The following FXYD6 variants were observed in gnomAD, a reference collection of about 807,000 sequenced individuals.
FXYD6 encodes the protein FXYD domain containing ion transport regulator 6.
A neutral mutation model predicts 16.7 loss-of-function variants in FXYD6; 7 were observed. The ratio of observed to expected loss-of-function variants is 0.42; its 90% CI spans 0.24 to 0.79. FXYD6 has a LOEUF of 0.79. Ranked by LOEUF, FXYD6 falls within the 30% of genes least tolerant of loss-of-function variation. The pLI, the probability that FXYD6 is intolerant of heterozygous loss-of-function variation, is 0.28. For missense variants in FXYD6, 111 were observed against 116.2 expected (o/e 0.95, Z 0.21); for synonymous variants, 49 against 43.0 (o/e 1.14, Z -0.54).
chr11:117,862,653 G>A (rs541484639), intron 1 of FXYD6, among the ~76,000 whole-genome samples: 25 of 152,280 alleles, frequency 1.6e-4, no homozygotes, highest in Non-Finnish European at 2.8e-4. Flanking sequence ...TCAAGGAGAA[G>A]CCACTGCCTC....
chr11:117,874,343 GA>G (rs1455002796), intron 1 of FXYD6, among the ~76,000 whole-genome samples: 7 of 152,204 alleles, frequency 4.6e-5, no homozygotes, highest in African/African-American at 1.7e-4. Context: ...GTCAACCATA[GA>G]AGCCACACGT....
At chr11:117,846,092 C>T (rs1290980120) in intron 1 of FXYD6, among the ~76,000 whole-genome samples, 1 of 152,180 alleles carries the variant, frequency 6.6e-6, no homozygotes, top group African/African-American at 2.4e-5. Flanking sequence ...TACTCTACAA[C>T]CTGTTGTGGA....
chr11:117,840,049 A>G lies in FXYD6; in HGVS notation c.260-219T>C, dbSNP rs111972242. ...GTCCCTCGGTTACAAAATGGGGACA[A>G]TGATGCCTATTTCAGGGCTGTGTGC... On this transcript the variant is annotated intron_variant, in intron 6 of 7. Transcript: ENST00000526014. The G allele has an allele frequency of 9.7e-4, 638 of 654,516 alleles. 11 individuals carry two copies. The African/African-American group carries it at 0.01, about 11-fold the overall frequency. The allele number at this position is 654,516 out of a possible 1,614,324, so 40.5% of individuals were successfully genotyped here.
chr11:117,837,375 A>G lies in FXYD6; in HGVS notation c.*924T>C, dbSNP rs1383653515. 1 of 152,748 alleles carries G rather than the reference A, an allele frequency of 6.5e-6. No homozygotes were observed. Among genetic ancestry groups the G allele is most frequent in the Non-Finnish European group, 1.5e-5 (1 of 68,114 alleles). The allele number at this position is 152,748 out of a possible 1,614,324, so 9.5% of individuals were successfully genotyped here. Reference sequence around the variant, plus strand: ...TTCAACTATTGCCTGCCAGAGACCCAATTGCAGGGACTGTAGTCTGCATCT... The same window carrying G: ...TTCAACTATTGCCTGCCAGAGACCCGATTGCAGGGACTGTAGTCTGCATCT... On this transcript the variant is annotated 3_prime_UTR_variant, in exon 8 of 8. Transcript: ENST00000526014. This position sits in a 1 kb window ranked among gnomAD's most constrained non-coding sequence, Gnocchi z 4.4.
At chr11:117,874,251 T>C (rs1477887678) in intron 1 of FXYD6, among the ~76,000 whole-genome samples, 5 of 152,160 alleles carry the variant, frequency 3.3e-5, no homozygotes, top group Admixed American at 1.3e-4. Flanking sequence ...CTTTGAATGA[T>C]TGAATGAAAT....
intron 2 of FXYD6, 106 bp from the exon 3 acceptor site, chr11:117,842,134 G>C (rs17596129): frequency 0.053 from 82,385 of 1,548,750 alleles, 2,517 homozygotes; most frequent in Non-Finnish European, 0.06. Context: ...AATTCCAGAG[G>C]AGCAGGGCCC....
chr11:117,842,916 C>A (rs1591553898), intron 1 of FXYD6, 135 bp from the exon 2 acceptor site: 5 of 853,912 alleles, frequency 5.9e-6, no homozygotes, highest in Non-Finnish European at 9.3e-6. Context: ...AGGGTTCAAA[C>A]AACCTAAGCA....
rs1452776477 is a variant in FXYD6 at position 117,837,737 on chromosome 11, G to A, written c.*562C>T. ...ATAAGGAAGCAAGGTTTTTGTTAAA[G>A]GAGTGAAAGGAGTCCATGAAGAATG... is the stretch of plus-strand genomic sequence containing the variant. On this transcript the variant is annotated 3_prime_UTR_variant, in exon 8 of 8. Transcript: ENST00000526014. This position sits in a 1 kb window ranked among gnomAD's most constrained non-coding sequence, Gnocchi z 4.4. The A allele has an allele frequency of 1.8e-5, 3 of 163,080 alleles. No individual in the cohort carries two copies. Among genetic ancestry groups the A allele is most frequent in the Non-Finnish European group, 4.1e-5 (3 of 73,838 alleles). 10.1% of individuals were successfully genotyped at this position (163,080 alleles called of 1,614,324 possible). A position where few individuals can be genotyped will look rare whatever the true frequency, so the allele number is the denominator to read the frequency against.
At chr11:117,847,173 G>C (rs2056489714) in intron 1 of FXYD6, among the ~76,000 whole-genome samples, 1 of 152,142 alleles carries the variant, frequency 6.6e-6, no homozygotes, top group Admixed American at 6.5e-5. Context: ...TGCTGGTAGA[G>C]AGAAAAGCAA....
intron 5 of FXYD6, 149 bp from the exon 6 acceptor site, chr11:117,840,517 A>T (rs496164): frequency 2.0e-6 from 2 of 1,006,396 alleles, no homozygotes; most frequent in East Asian, 2.6e-5. Flanking sequence ...TGTGGGATGC[A>T]TGGGACAGAG....
intron 1 of FXYD6, among the ~76,000 whole-genome samples, chr11:117,848,168 CACA>C (rs2056517242): frequency 6.6e-6 from 1 of 152,156 alleles, no homozygotes; most frequent in African/African-American, 2.4e-5. Context: ...CACACACGCA[CACA>C]ACACGTGCAC....
intron 1 of FXYD6, among the ~76,000 whole-genome samples, chr11:117,847,870 G>GTA (rs2056510059): frequency 6.6e-6 from 1 of 152,120 alleles, no homozygotes; most frequent in African/African-American, 2.4e-5. Context: ...AATACTTTGG[G>GTA]TATATACCCA....
chr11:117,866,654 T>A (rs2057020439), intron 1 of FXYD6, among the ~76,000 whole-genome samples: 3 of 152,188 alleles, frequency 2.0e-5, no homozygotes, highest in Admixed American at 2.0e-4. Context: ...AGCTTTGGCA[T>A]CAGCACAGGC....
At chr11:117,853,395 C>G (rs1220559036) in intron 1 of FXYD6, among the ~76,000 whole-genome samples, 1 of 152,228 alleles carries the variant, frequency 6.6e-6, no homozygotes, top group Non-Finnish European at 1.5e-5. Flanking sequence ...GGACTCAATG[C>G]TGATTAGCCT....
At chr11:117,871,300 G>A (rs764174218) in intron 1 of FXYD6, among the ~76,000 whole-genome samples, 7 of 152,190 alleles carry the variant, frequency 4.6e-5, no homozygotes, top group Non-Finnish European at 8.8e-5. Flanking sequence ...CAGCCGGGAA[G>A]GGCGACTAGG....
intron 1 of FXYD6, among the ~76,000 whole-genome samples, chr11:117,844,470 A>C (rs1489578268): frequency 6.6e-6 from 1 of 152,030 alleles, no homozygotes; most frequent in East Asian, 1.9e-4. Context: ...CCAGTATCCC[A>C]AAAATATATA....
chr11:117,841,121 C>G (rs2276034), intron 5 of FXYD6, 27 bp downstream of exon 5: 7 of 1,613,952 alleles, frequency 4.3e-6, no homozygotes, highest in East Asian at 4.5e-5. Context: ...TATCACCCCC[C>G]CAAGGCCACT....
In FXYD6 at chr11:117,841,780, A is replaced by T; in HGVS notation, c.172+11T>A. ...TTGCTCTTAACAGAGTGAGCAAAAG[A>T]ACAAACTTACTTAGGATAAGGAGGA... On this transcript the variant is annotated intron_variant, in intron 4 of 7. Coordinates refer to ENST00000526014, the MANE Select transcript of FXYD6 (RefSeq NM_022003.4). 4.3e-6 allele frequency: 7 copies of T among 1,613,674 alleles called. No homozygotes were observed. Among genetic ancestry groups the T allele is most frequent in the Non-Finnish European group, 5.9e-6 (7 of 1,179,988 alleles).
At chr11:117,855,759 C>T (rs553709) in intron 1 of FXYD6, among the ~76,000 whole-genome samples, 117,855 of 152,186 alleles carry the variant, frequency 0.77, 47,679 homozygotes, top group East Asian at 0.96. Context: ...CCGCCACCTG[C>T]GCACTGGGCC....
Sources: gnomAD v4.1 joint callset for allele counts (sites outside exome capture counted in the v4.1 genomes callset) on GRCh38, gnomAD v4.1.1 for gene constraint, Gnocchi (gnomAD v3.1) non-coding constraint, MANE v1.5 for transcripts, NCBI Gene and HGNC (gene_info 2026-07-23, HGNC 2026-07-21) for gene names.